Variants in ZFAND6 observed in about 807,000 individuals in gnomAD.
ZFAND6 encodes zinc finger AN1-type containing 6, also known as AN1-type zinc finger protein 6.
ZFAND6 carries 12 observed loss-of-function variants against 24.5 expected under a neutral mutation model. The observed-to-expected ratio is 0.49, with a 90% confidence interval of 0.31 to 0.79. The LOEUF is 0.79. Among genes scored for constraint, ZFAND6 ranks in the 30% least tolerant of loss-of-function variants. The probability of loss-of-function intolerance (pLI) is 0.04; values close to 1 mark genes in which losing one functional copy is unlikely to be tolerated. For missense variants in ZFAND6, 207 were observed against 245.9 expected (o/e 0.84, Z 1.06); for synonymous variants, 92 against 81.5 (o/e 1.13, Z -0.69).
At chr15:80,060,432 A>G (rs189653835) in intron 1 of ZFAND6, 1 of 152,242 alleles carries the variant, frequency 6.6e-6, no homozygotes, top group African/African-American at 2.4e-5. Flanking sequence ...TTTAAGTTTT[A>G]GCTACCTAAA....
chr15:80,101,796 T>G (rs948751253), intron 2 of ZFAND6, among the ~76,000 whole-genome samples: 10 of 146,938 alleles, frequency 6.8e-5, no homozygotes, highest in Non-Finnish European at 1.0e-4. Flanking sequence ...AAAGTGTTTT[T>G]TTTTTTTTTT....
intron 2 of ZFAND6, among the ~76,000 whole-genome samples, chr15:80,116,437 C>T (rs771881439): frequency 1.9e-4 from 29 of 152,062 alleles, no homozygotes; most frequent in Non-Finnish European, 3.4e-4. Flanking sequence ...GGAAAATAAC[C>T]ACTTTCCTCT....
At chr15:80,074,774 T>G (rs1482377519) in intron 1 of ZFAND6, among the ~76,000 whole-genome samples, 1 of 152,018 alleles carries the variant, frequency 6.6e-6, no homozygotes, top group Non-Finnish European at 1.5e-5. Flanking sequence ...TTATGTATAC[T>G]TTTACTAGCT....
intron 1 of ZFAND6, among the ~76,000 whole-genome samples, chr15:80,095,942 A>G (rs2038696075): frequency 6.6e-6 from 1 of 152,224 alleles, no homozygotes; most frequent in Non-Finnish European, 1.5e-5. Flanking sequence ...ATCACACTTA[A>G]CATATGGTAT....
chr15:80,071,267 A>ATATT (rs1380764094), intron 1 of ZFAND6, among the ~76,000 whole-genome samples: 1 of 152,238 alleles, frequency 6.6e-6, no homozygotes. Flanking sequence ...AAAACTTCAA[A>ATATT]TTAAAATGTT....
At chr15:80,059,268 C>T (rs992878267), upstream of ZFAND6, among the ~76,000 whole-genome samples, 1 of 152,226 alleles carries the variant, frequency 6.6e-6, no homozygotes, top group African/African-American at 2.4e-5. Flanking sequence ...CAGTCCAAGA[C>T]AGGGACACGC....
At chr15:80,072,460 T>TA (rs1486336614) in intron 1 of ZFAND6, 1 of 152,082 alleles carries the variant, frequency 6.6e-6, no homozygotes, top group African/African-American at 2.4e-5. Context: ...AAAAGTTCTT[T>TA]AAAATAATGG....
intron 1 of ZFAND6, among the ~76,000 whole-genome samples, chr15:80,078,848 G>A (rs1050376560): frequency 6.7e-6 from 1 of 150,270 alleles, no homozygotes; most frequent in African/African-American, 2.4e-5. Flanking sequence ...TTTGTTGGCT[G>A]TATTTATGTC....
intron 1 of ZFAND6, chr15:80,073,284 C>A (rs2037079458): frequency 6.0e-6 from 2 of 335,714 alleles, no homozygotes; most frequent in Non-Finnish European, 1.2e-5. Flanking sequence ...AAGTAATTAA[C>A]ATTTCGAAAC....
chr15:80,135,392 G>A (rs192020629), intron 6 of ZFAND6, among the ~76,000 whole-genome samples: 24 of 152,286 alleles, frequency 1.6e-4, no homozygotes, highest in African/African-American at 5.8e-4. Context: ...TTGTAGAGGG[G>A]TCTGCATGCC....
At chr15:80,119,026 A>G (rs1279953514) in intron 2 of ZFAND6, among the ~76,000 whole-genome samples, 1 of 152,186 alleles carries the variant, frequency 6.6e-6, no homozygotes, top group African/African-American at 2.4e-5. Context: ...CATCTGTAAT[A>G]CATATACACC....
upstream of ZFAND6, among the ~76,000 whole-genome samples, chr15:80,059,096 C>T (rs997197159): frequency 6.6e-6 from 1 of 152,268 alleles, no homozygotes; most frequent in Admixed American, 6.5e-5. Flanking sequence ...GCTTCTATTT[C>T]CAAGTCCCAG....
At chr15:80,115,175 A>G (rs1255015030) in intron 2 of ZFAND6, 1 of 152,178 alleles carries the variant, frequency 6.6e-6, no homozygotes, top group East Asian at 1.9e-4. Flanking sequence ...ATGAGATATA[A>G]ATAAACAATA....
intron 1 of ZFAND6, among the ~76,000 whole-genome samples, chr15:80,087,974 C>T (rs2038105258): frequency 6.6e-6 from 1 of 152,012 alleles, no homozygotes; most frequent in South Asian, 2.1e-4. Flanking sequence ...AGACTTTTAC[C>T]CCTACATACT....
intron 2 of ZFAND6, among the ~76,000 whole-genome samples, chr15:80,116,943 C>A (rs1057415961): frequency 2.0e-5 from 3 of 152,130 alleles, no homozygotes; most frequent in Admixed American, 2.0e-4. Flanking sequence ...TTGAATGGAT[C>A]TTCTGTTCAT....
intron 1 of ZFAND6, among the ~76,000 whole-genome samples, chr15:80,070,012 T>C (rs555173474): frequency 1.1e-4 from 16 of 152,334 alleles, no homozygotes; most frequent in African/African-American, 3.8e-4. Flanking sequence ...TATCAACTAC[T>C]ACAATAAACC....
chr15:80,074,113 A>C (rs564067239), intron 1 of ZFAND6, among the ~76,000 whole-genome samples: 31 of 152,054 alleles, frequency 2.0e-4, no homozygotes, highest in African/African-American at 7.5e-4. Flanking sequence ...ATGTTCTGTT[A>C]AAGTGTGCCT....
At chr15:80,060,055 G>T (rs1206919129) in intron 1 of ZFAND6, 1 of 151,102 alleles carries the variant, frequency 6.6e-6, no homozygotes, top group African/African-American at 2.4e-5. Flanking sequence ...CTCAGACGGC[G>T]CGCGGGCGCC....
Position 80,131,184 on chromosome 15 carries a change from A to G in ZFAND6, c.369A>G (p.Ser123=). ...CCACCTTCGTATTTTTGTTAGCTTCAGTATCAGACACAGCACAGCAGCCAT... is the reference window on the plus strand; with the variant it reads ...CCACCTTCGTATTTTTGTTAGCTTCGGTATCAGACACAGCACAGCAGCCAT... ...AVPETEDVQA[S]VSDTAQQPSE... is the part of the protein sequence containing the mutation. The change falls in exon 6 of 7, where the codon TCA becomes TCG. Residue 123 remains serine, a synonymous_variant. Coordinates refer to ENST00000261749, the MANE Select transcript of ZFAND6 (RefSeq NM_019006.4). 1 of 1,545,602 alleles carries G rather than the reference A, an allele frequency of 6.5e-7. No homozygotes were observed. Among genetic ancestry groups the G allele is most frequent in the South Asian group, 1.2e-5 (1 of 80,558 alleles).
Sources: gnomAD v4.1 joint callset for allele counts (sites outside exome capture counted in the v4.1 genomes callset) on GRCh38, gnomAD v4.1.1 for gene constraint, MANE v1.5 for transcripts, NCBI Gene and HGNC (gene_info 2026-07-23, HGNC 2026-07-21) for gene names.